CHRM2: variants seen among roughly 807,000 people sequenced by gnomAD.
CHRM2 encodes the protein muscarinic acetylcholine receptor M2.
A neutral mutation model predicts 25.0 loss-of-function variants in CHRM2; 8 were observed. That is an observed-to-expected ratio of 0.32 (90% CI 0.19 to 0.58). The LOEUF is 0.58. Ranked by LOEUF, CHRM2 falls within the 20% of genes least tolerant of loss-of-function variation. CHRM2 has a pLI of 0.88. For synonymous variants in CHRM2, 202 were observed against 205.7 expected (o/e 0.98, Z 0.15); for missense variants, 440 against 567.1 (o/e 0.78, Z 2.28).
chr7:137,007,720 A>C (rs17499892), intron 3 of CHRM2, among the ~76,000 whole-genome samples: 40,346 of 152,036 alleles, frequency 0.27, 6,941 homozygotes, highest in Non-Finnish European at 0.39. Flanking sequence ...TTCCATCTGT[A>C]AGCAAAATTT....
chr7:136,883,253 T>C lies in CHRM2; in HGVS notation c.-125+13835T>C, dbSNP rs116802696. Among the ~76,000 whole-genome samples the C allele has an allele frequency of 5.9e-3, 899 of 152,280 alleles. 6 individuals are homozygous for C. Among genetic ancestry groups the C allele is most frequent in the African/African-American group, 0.021 (857 of 41,560 alleles). On this transcript the variant is annotated intron_variant, in intron 2 of 3. Transcript: ENST00000680005. ...TAGAAAGAGAAGGTTTTGGCATCTTTCCCTGTCTTCAGCCTCCGGTGTCTC... is the reference window on the plus strand; with the variant it reads ...TAGAAAGAGAAGGTTTTGGCATCTTCCCCTGTCTTCAGCCTCCGGTGTCTC...
At chr7:137,013,292 G>A (rs187980569) in intron 3 of CHRM2, among the ~76,000 whole-genome samples, 7 of 151,672 alleles carry the variant, frequency 4.6e-5, no homozygotes, top group African/African-American at 1.7e-4. Context: ...CCATTATTTG[G>A]GTTTTGTCAA....
chr7:136,881,290 A>C (rs1796256866), intron 2 of CHRM2, among the ~76,000 whole-genome samples: 1 of 151,556 alleles, frequency 6.6e-6, no homozygotes, highest in Admixed American at 6.6e-5. Flanking sequence ...GTGTAAATTC[A>C]AATCATTTCA....
At chr7:136,914,148 C>A (rs1797983632) in intron 2 of CHRM2, 1 of 151,870 alleles carries the variant, frequency 6.6e-6, no homozygotes, top group East Asian at 1.9e-4. Flanking sequence ...CCTTTTATTT[C>A]ATTTTATTAT....
intron 2 of CHRM2, among the ~76,000 whole-genome samples, chr7:136,887,310 G>A (rs1279057927): frequency 6.8e-6 from 1 of 146,582 alleles, no homozygotes; most frequent in Non-Finnish European, 1.5e-5. Context: ...AAGGATTAAT[G>A]TATCCATCAC....
intron 2 of CHRM2, among the ~76,000 whole-genome samples, chr7:136,921,108 T>C (rs1798403452): frequency 6.6e-6 from 1 of 152,084 alleles, no homozygotes; most frequent in African/African-American, 2.4e-5. Context: ...CACCCTGCTC[T>C]CCTGTCGCTC....
intron 2 of CHRM2, among the ~76,000 whole-genome samples, chr7:136,883,982 CCTA>C (rs1261024678): frequency 6.6e-6 from 1 of 152,050 alleles, no homozygotes; most frequent in African/African-American, 2.4e-5. Context: ...AGTCATTTTT[CCTA>C]CTGAATTGCC....
At chr7:136,990,821 C>T (rs1204925092) in intron 2 of CHRM2, among the ~76,000 whole-genome samples, 1 of 152,110 alleles carries the variant, frequency 6.6e-6, no homozygotes, top group African/African-American at 2.4e-5. Context: ...GTGGCTGTGC[C>T]ATTTTTCAAT....
At chr7:137,001,327 A>T (rs1236613731) in intron 3 of CHRM2, among the ~76,000 whole-genome samples, 1 of 152,154 alleles carries the variant, frequency 6.6e-6, no homozygotes, top group Non-Finnish European at 1.5e-5. Context: ...GAAAATATAT[A>T]TACTGAGCAA....
intron 2 of CHRM2, among the ~76,000 whole-genome samples, chr7:136,941,022 AAAG>A (rs1799741023): frequency 6.6e-6 from 1 of 152,180 alleles, no homozygotes; most frequent in South Asian, 2.1e-4. Flanking sequence ...AGTCCTACAT[AAAG>A]ATTCTAGAAC....
intron 2 of CHRM2, among the ~76,000 whole-genome samples, chr7:136,973,305 G>T (rs1321617819): frequency 3.7e-5 from 4 of 108,140 alleles, no homozygotes; most frequent in African/African-American, 1.6e-4. Context: ...GATGGTGACG[G>T]TGTTAGGGAT....
intron 2 of CHRM2, among the ~76,000 whole-genome samples, chr7:136,922,707 T>C (rs1584761709): frequency 6.6e-6 from 1 of 152,170 alleles, no homozygotes; most frequent in Non-Finnish European, 1.5e-5. Flanking sequence ...GAGGTTATTA[T>C]TCTGGGAAGC....
chr7:136,977,084 T>C (rs911217435), intron 2 of CHRM2, among the ~76,000 whole-genome samples: 3 of 152,168 alleles, frequency 2.0e-5, no homozygotes, highest in Admixed American at 6.5e-5. Flanking sequence ...CTGTGAAAGA[T>C]AGAACATCTG....
chr7:136,934,847 C>T (rs755781274), intron 2 of CHRM2, among the ~76,000 whole-genome samples: 1 of 135,860 alleles, frequency 7.4e-6, no homozygotes, highest in Admixed American at 7.3e-5. Flanking sequence ...CATTCTATGC[C>T]CTGAAAATAA....
At chr7:136,899,023 A>G (rs1797057366) in intron 2 of CHRM2, 1 of 152,100 alleles carries the variant, frequency 6.6e-6, no homozygotes, top group African/African-American at 2.4e-5. Flanking sequence ...TTGTAGTGGT[A>G]GACAAATTCA....
chr7:136,920,711 C>T (rs10488600), intron 2 of CHRM2, among the ~76,000 whole-genome samples: 21,126 of 152,072 alleles, frequency 0.14, 1,817 homozygotes, highest in East Asian at 0.38. Context: ...ACCTTAGATT[C>T]CTATCATTGT....
chr7:136,999,002 C>A (rs948830920), intron 3 of CHRM2, among the ~76,000 whole-genome samples: 1 of 152,056 alleles, frequency 6.6e-6, no homozygotes, highest in Non-Finnish European at 1.5e-5. Context: ...GTAGAAAAAA[C>A]CCTCACTTAG....
At chr7:136,958,971 C>A (rs115020837) in intron 2 of CHRM2, among the ~76,000 whole-genome samples, 1,801 of 152,234 alleles carry the variant, frequency 0.012, 36 homozygotes, top group African/African-American at 0.041. Context: ...CTCTCTGAGG[C>A]CCACCAGTTT....
chr7:137,002,259 G>C (rs1015932315), intron 3 of CHRM2, among the ~76,000 whole-genome samples: 3 of 152,056 alleles, frequency 2.0e-5, no homozygotes, highest in Non-Finnish European at 2.9e-5. Context: ...GAGTGATATG[G>C]TAAATGCAAG....
Sources: allele counts gnomAD v4.1 joint callset (sites outside exome capture counted in the v4.1 genomes callset), GRCh38; gene constraint gnomAD v4.1.1; transcripts MANE v1.5; gene names NCBI Gene and HGNC (gene_info 2026-07-23, HGNC 2026-07-21).